PTP4A1: variants seen among roughly 807,000 people sequenced by gnomAD.
The protein encoded by PTP4A1 is protein tyrosine phosphatase type IVA 1.
A neutral mutation model predicts 20.5 loss-of-function variants in PTP4A1; 9 were observed. The ratio of observed to expected loss-of-function variants is 0.44; its 90% CI spans 0.26 to 0.77. PTP4A1 has a LOEUF of 0.77. Among genes scored for constraint, PTP4A1 ranks in the 30% least tolerant of loss-of-function variants. The probability of loss-of-function intolerance (pLI) is 0.19; values close to 1 mark genes in which losing one functional copy is unlikely to be tolerated. For missense variants in PTP4A1, 137 were observed against 218.8 expected, an observed-to-expected ratio of 0.63 and a Z score of 2.36; for synonymous variants, 78 against 67.4, an observed-to-expected ratio of 1.16 and a Z score of -0.77.
upstream of PTP4A1, chr6:63,572,400 CGCG>C: frequency 2.9e-6 from 1 of 342,798 alleles, no homozygotes; most frequent in Non-Finnish European, 5.2e-6. Flanking sequence ...GCTCCTGGCC[CGCG>C]GTTCCAGGCC....
rs1258917228 is a variant in PTP4A1 at position 63,581,044 on chromosome 6, CT to C, written c.*873del. The C allele has an allele frequency of 1.3e-5, 2 of 151,934 alleles. No homozygotes were observed. The highest frequency in any genetic ancestry group is 2.9e-5 in the Non-Finnish European group (2 of 67,954). 9.4% of individuals were successfully genotyped at this position (151,934 alleles called of 1,614,324 possible). A position where few individuals can be genotyped will look rare whatever the true frequency, so the allele number is the denominator to read the frequency against. ...AATATTTTTTTAAAAGGTAGAGATG[CT>C]TTGTTATTGTAATCATAAACTTCCT... On this transcript the variant is annotated 3_prime_UTR_variant, in exon 6 of 6. Coordinates refer to ENST00000626021, the MANE Select transcript of PTP4A1 (RefSeq NM_003463.5).
At chr6:63,540,012 T>C (rs1176805364) in intron 2 of PTP4A1, among the ~76,000 whole-genome samples, 1 of 152,182 alleles carries the variant, frequency 6.6e-6, no homozygotes, top group Non-Finnish European at 1.5e-5. Flanking sequence ...TGGTGGACAC[T>C]GATACAGCCA....
At chr6:63,561,266 AT>A (rs974574608) in intron 3 of PTP4A1, among the ~76,000 whole-genome samples, 1 of 152,206 alleles carries the variant, frequency 6.6e-6, no homozygotes, top group Non-Finnish European at 1.5e-5. Flanking sequence ...GCATGTCCTG[AT>A]TTTTATAATG....
chr6:63,541,895 C>T (rs927767361), intron 2 of PTP4A1, among the ~76,000 whole-genome samples: 4 of 152,140 alleles, frequency 2.6e-5, no homozygotes, highest in African/African-American at 9.7e-5. Flanking sequence ...ATCCAGCTTA[C>T]AACCATTTCC....
chr6:63,526,202 G>A (rs1775163281), intron 1 of PTP4A1, among the ~76,000 whole-genome samples: 3 of 152,090 alleles, frequency 2.0e-5, no homozygotes, highest in Admixed American at 6.6e-5. Flanking sequence ...GTGGATGCCT[G>A]TAGTCCCAGC....
At chr6:63,554,364 T>C (rs890517797) in intron 3 of PTP4A1, among the ~76,000 whole-genome samples, 1 of 152,238 alleles carries the variant, frequency 6.6e-6, no homozygotes, top group Non-Finnish European at 1.5e-5. Flanking sequence ...GAAATTCTTA[T>C]ACACTTTCTT....
At chr6:63,554,178 T>G (rs1776569676) in intron 3 of PTP4A1, among the ~76,000 whole-genome samples, 1 of 152,182 alleles carries the variant, frequency 6.6e-6, no homozygotes, top group East Asian at 1.9e-4. Context: ...TCACCAGAAG[T>G]GTATTTAGTT....
chr6:63,538,329 A>T (rs1367002933), intron 2 of PTP4A1, among the ~76,000 whole-genome samples: 1 of 152,242 alleles, frequency 6.6e-6, no homozygotes, highest in African/African-American at 2.4e-5. Flanking sequence ...AAGTTCAGTG[A>T]ACATTGTTAC....
chr6:63,518,154 C>CAAAAA (rs60368385), upstream of PTP4A1, among the ~76,000 whole-genome samples: 1 of 62,106 alleles, frequency 1.6e-5, no homozygotes, highest in East Asian at 4.8e-4. Context: ...ACTCCGTCTC[C>CAAAAA]AAAAAAAAAA....
chr6:63,579,994 GA>G (rs1778120850), intron 5 of PTP4A1, 62 bp from the exon 6 acceptor site: 1 of 1,201,352 alleles, frequency 8.3e-7, no homozygotes, highest in African/African-American at 1.5e-5. Context: ...TTGTCTATAA[GA>G]CACTAAATAT....
intron 2 of PTP4A1, 134 bp downstream of exon 2, chr6:63,577,119 A>G: frequency 1.5e-6 from 1 of 678,908 alleles, no homozygotes; most frequent in South Asian, 1.9e-5. Flanking sequence ...AATAAATGTC[A>G]ATGTCTTCTA....
At chr6:63,527,161 GC>G (rs1013146912) in intron 1 of PTP4A1, among the ~76,000 whole-genome samples, 4 of 152,126 alleles carry the variant, frequency 2.6e-5, no homozygotes, top group Admixed American at 6.6e-5. Flanking sequence ...GGCTTGGATT[GC>G]CTTTCTTCTA....
chr6:63,531,762 A>G (rs1775478107), intron 2 of PTP4A1, among the ~76,000 whole-genome samples: 1 of 151,872 alleles, frequency 6.6e-6, no homozygotes, highest in South Asian at 2.1e-4. Context: ...AAGTGCTGTG[A>G]TTACAGGCAT....
intron 1 of PTP4A1, among the ~76,000 whole-genome samples, chr6:63,572,921 C>T (rs955150325): frequency 1.3e-5 from 2 of 152,014 alleles, no homozygotes; most frequent in Admixed American, 1.3e-4. Flanking sequence ...GATGCCGGGC[C>T]CCTCGGGGCT....
chr6:63,532,491 GA>G (rs1775514890), intron 2 of PTP4A1, among the ~76,000 whole-genome samples: 1 of 151,984 alleles, frequency 6.6e-6, no homozygotes, highest in Non-Finnish European at 1.5e-5. Context: ...ACTATTTCTG[GA>G]AGCCTTTTCT....
chr6:63,543,316 C>T (rs948346748), intron 2 of PTP4A1, among the ~76,000 whole-genome samples: 3 of 152,198 alleles, frequency 2.0e-5, no homozygotes, highest in African/African-American at 7.2e-5. Flanking sequence ...GATCTGAAAA[C>T]TTATTTTTCT....
At chr6:63,549,365 T>G in intron 2 of PTP4A1, 4 of 754,230 alleles carry the variant, frequency 5.3e-6, no homozygotes, top group Non-Finnish European at 9.7e-6. Context: ...GTTAGGTCTC[T>G]TTTGGGCTGA....
Position 63,580,945 on chromosome 6 carries a change from G to A in PTP4A1, c.*771G>A, listed in dbSNP as rs1279443421. On this transcript the variant is annotated 3_prime_UTR_variant, in exon 6 of 6. Coordinates refer to ENST00000626021, the MANE Select transcript of PTP4A1 (RefSeq NM_003463.5). ...GGGCCTGAGAAAAGAATGGGAGGGG[G>A]CTATTAATTATTTTTAGCAAAATGT... 2 of 152,440 alleles carry A rather than the reference G, an allele frequency of 1.3e-5. No homozygotes were observed. The highest frequency in any genetic ancestry group is 2.9e-5 in the Non-Finnish European group (2 of 68,002). 9.4% of individuals were successfully genotyped at this position (152,440 alleles called of 1,614,324 possible).
intron 2 of PTP4A1, among the ~76,000 whole-genome samples, chr6:63,529,158 T>G (rs901325036): frequency 9.8e-6 from 1 of 101,838 alleles, no homozygotes; most frequent in African/African-American, 5.1e-5. Flanking sequence ...TGTATATATA[T>G]GTGTGTATAT....
Sources: allele counts gnomAD v4.1 joint callset (sites outside exome capture counted in the v4.1 genomes callset), GRCh38; gene constraint gnomAD v4.1.1; transcripts MANE v1.5; gene names NCBI Gene and HGNC (gene_info 2026-07-23, HGNC 2026-07-21).